Variants in ZBBX observed in about 807,000 individuals in gnomAD.
ZBBX encodes the protein zinc finger B-box domain containing.
ZBBX carries 101 observed loss-of-function variants against 108.5 expected under a neutral mutation model. The ratio of observed to expected loss-of-function variants is 0.93; its 90% CI spans 0.79 to 1.10. ZBBX has a LOEUF of 1.10. ZBBX is among the 50% of genes least tolerant of loss of function. The pLI is 0.00. For missense variants in ZBBX, 1,009 were observed against 941.4 expected (o/e 1.07, Z -0.94); for synonymous variants, 356 against 323.4 (o/e 1.10, Z -1.08).
downstream of ZBBX, among the ~76,000 whole-genome samples, chr3:167,236,885 G>A (rs917977833): frequency 2.0e-5 from 3 of 151,664 alleles, no homozygotes; most frequent in Admixed American, 6.6e-5. Context: ...AGGATGCAAC[G>A]AGAAACAATG....
rs989513906 is a variant in ZBBX, at chr3:167,390,625, A to G, written c.-445-10220T>C. ...ATATTGATTCTTCCTATCCATGAGCATGGAATATTTTTCCATTTGTTGTGT... is the reference window on the plus strand; with the variant it reads ...ATATTGATTCTTCCTATCCATGAGCGTGGAATATTTTTCCATTTGTTGTGT... On this transcript the variant is annotated intron_variant, in intron 1 of 21. Coordinates refer to the ZBBX transcript ENST00000455345. Among the ~76,000 whole-genome samples, 3 of 152,082 alleles carry G rather than the reference A, an allele frequency of 2.0e-5. No homozygotes were observed. In the East Asian group the frequency reaches 5.8e-4, roughly 29 times the overall value.
chr3:167,234,226 ATTATT>A, the ZBBX span, among the ~76,000 whole-genome samples: 3 of 151,870 alleles, frequency 2.0e-5, no homozygotes, highest in Non-Finnish European at 4.4e-5. Flanking sequence ...TTTAAAATGT[ATTATT>A]TTATATTTGT....
chr3:167,322,388 A>C, intron 11 of ZBBX, 151 bp from the exon 12 acceptor site: 1 of 553,244 alleles, frequency 1.8e-6, no homozygotes, highest in Non-Finnish European at 2.7e-6. Flanking sequence ...AATAATGCAA[A>C]AGTATTAAAT....
the ZBBX span, among the ~76,000 whole-genome samples, chr3:167,208,661 A>G: frequency 3.9e-5 from 6 of 152,330 alleles, no homozygotes; most frequent in African/African-American, 1.2e-4. Flanking sequence ...CAGCAGTCAT[A>G]GCCACGGATT....
chr3:167,391,100 A>G (rs1748072948), intron 1 of ZBBX, among the ~76,000 whole-genome samples: 3 of 152,132 alleles, frequency 2.0e-5, no homozygotes, highest in Admixed American at 2.0e-4. Context: ...GTGCCCATTC[A>G]GTATGATATT....
chr3:167,184,139 A>C, the ZBBX span, among the ~76,000 whole-genome samples: 1 of 152,242 alleles, frequency 6.6e-6, no homozygotes, highest in Admixed American at 6.5e-5. Context: ...CTAAAAACAA[A>C]TTGAATACCC....
At chr3:167,309,169 G>A (rs1489459068) in intron 16 of ZBBX, among the ~76,000 whole-genome samples, 2 of 152,218 alleles carry the variant, frequency 1.3e-5, no homozygotes, top group Non-Finnish European at 2.9e-5. Flanking sequence ...TCTGGGTACA[G>A]TGCTTATGGG....
At position 167,288,872 on chromosome 3, in the gene ZBBX, T is replaced by A. The variant is rs1730173763; in HGVS notation, c.1991A>T (p.Lys664Met). 6.5e-7 allele frequency: 1 copy of A among 1,531,014 alleles called. No homozygotes were observed. The highest frequency in any genetic ancestry group is 2.0e-5 in the Admixed American group (1 of 50,264). 94.8% of individuals were successfully genotyped at this position (1,531,014 alleles called of 1,614,324 possible). ...TGCCTTTGAGTCAATGTTACCCATC[T>A]TTTGCTGTTTTCTACTTGATGATGG... Reference protein sequence around the residue: ...QSPSSSRKQQKMGQKSQRPST... With the variant: ...QSPSSSRKQQMMGQKSQRPST... The change falls in exon 19 of 22, where the codon AAG becomes ATG. Residue 664 changes from lysine to methionine, a missense_variant. By Grantham distance (95) the Lys-to-Met change is moderately conservative (BLOSUM62 -1). Coordinates refer to ENST00000675490, the MANE Select transcript of ZBBX (RefSeq NM_001199201.2).
In ZBBX at chr3:167,240,524, T is replaced by C. The variant is rs536373529; in HGVS notation, c.*269A>G. 1.7e-4 allele frequency: 44 copies of C among 260,144 alleles called. No individual in the cohort carries two copies. The highest frequency in any genetic ancestry group is 1.6e-3 in the South Asian group (28 of 17,064). 16.1% of individuals were successfully genotyped at this position (260,144 alleles called of 1,614,324 possible). A position where few individuals can be genotyped will look rare whatever the true frequency, so the allele number is the denominator to read the frequency against. ...ATGTTCTGCCCTATAGTAGGTTTTA[T>C]AGACACAGTTGTAACAGTTATTTCT... On this transcript the variant is annotated 3_prime_UTR_variant, in exon 22 of 22. Coordinates refer to ENST00000675490, the MANE Select transcript of ZBBX (RefSeq NM_001199201.2).
chr3:167,246,931 C>A (rs1043498324), intron 20 of ZBBX, among the ~76,000 whole-genome samples: 2 of 152,134 alleles, frequency 1.3e-5, no homozygotes, highest in Non-Finnish European at 2.9e-5. Context: ...ATGGAAACAG[C>A]TTTTAGAGTT....
At chr3:167,342,322 G>C (rs1196482889) in intron 9 of ZBBX, among the ~76,000 whole-genome samples, 1 of 151,694 alleles carries the variant, frequency 6.6e-6, no homozygotes, top group African/African-American at 2.4e-5. Flanking sequence ...ATTGACTAAA[G>C]GTTCAGACAG....
intron 20 of ZBBX, among the ~76,000 whole-genome samples, chr3:167,268,137 TACC>T (rs2108456356): frequency 6.6e-6 from 1 of 152,088 alleles, no homozygotes; most frequent in East Asian, 1.9e-4. Flanking sequence ...TTGAGAGAGG[TACC>T]ACAAGGAGGA....
intron 9 of ZBBX, among the ~76,000 whole-genome samples, chr3:167,335,836 A>C (rs1739452145): frequency 6.6e-6 from 1 of 152,008 alleles, no homozygotes; most frequent in Non-Finnish European, 1.5e-5. Flanking sequence ...TCTGTATGCA[A>C]ATCTGTGGAA....
At chr3:167,192,507 TTTATA>T in the ZBBX span, among the ~76,000 whole-genome samples, 1 of 152,196 alleles carries the variant, frequency 6.6e-6, no homozygotes, top group Non-Finnish European at 1.5e-5. Context: ...TTTGAGCTTC[TTTATA>T]TGTTATTTGC....
intron 20 of ZBBX, among the ~76,000 whole-genome samples, chr3:167,279,175 C>T (rs1560063339): frequency 6.6e-6 from 1 of 152,096 alleles, no homozygotes; most frequent in African/African-American, 2.4e-5. Context: ...GAAGCATTCC[C>T]TTTGAAAACT....
chr3:167,275,758 G>C (rs901391429), intron 20 of ZBBX, among the ~76,000 whole-genome samples: 1 of 152,172 alleles, frequency 6.6e-6, no homozygotes, highest in Admixed American at 6.5e-5. Flanking sequence ...CCAGAAGCTC[G>C]AACTGGGTGG....
At chr3:167,234,795 C>T in the ZBBX span, among the ~76,000 whole-genome samples, 1 of 151,642 alleles carries the variant, frequency 6.6e-6, no homozygotes, top group Admixed American at 6.6e-5. Flanking sequence ...GCCAATGTGT[C>T]CACTTAATCA....
upstream of ZBBX, chr3:167,381,439 A>T (rs1290332809): frequency 6.6e-6 from 1 of 152,176 alleles, no homozygotes; most frequent in Non-Finnish European, 1.5e-5. Context: ...AATAAATATT[A>T]AGTATTTAGC....
chr3:167,212,607 C>T, the ZBBX span, among the ~76,000 whole-genome samples: 30 of 152,318 alleles, frequency 2.0e-4, no homozygotes, highest in East Asian at 4.6e-3. Context: ...ACAAACCCTT[C>T]ATCTTGGGCT....
Sources: allele counts gnomAD v4.1 joint callset (sites outside exome capture counted in the v4.1 genomes callset), GRCh38; gene constraint gnomAD v4.1.1; transcripts MANE v1.5; gene names NCBI Gene and HGNC (gene_info 2026-07-23, HGNC 2026-07-21).